Variants in CSMD1 observed in about 807,000 individuals in gnomAD.
CSMD1 encodes the protein CUB and sushi domain-containing protein 1.
A neutral mutation model predicts 417.5 loss-of-function variants in CSMD1; 213 were observed. The observed-to-expected ratio is 0.51, with a 90% CI of 0.46 to 0.57. The LOEUF is 0.57. Among genes scored for constraint, CSMD1 ranks in the 20% least tolerant of loss-of-function variants. The pLI is 0.00. For missense variants in CSMD1, 6,923 were observed against 4,529.7 expected, an observed-to-expected ratio of 1.53 and a Z score of -15.17; for synonymous variants, 2,862 against 1,736.8, an observed-to-expected ratio of 1.65 and a Z score of -16.11.
chr8:3,924,944 G>T (rs1809546517), intron 5 of CSMD1, among the ~76,000 whole-genome samples: 2 of 151,902 alleles, frequency 1.3e-5, no homozygotes, highest in African/African-American at 2.4e-5. Flanking sequence ...TCTCTTCCTT[G>T]AAGTTCTGCA....
chr8:4,625,505 A>G (rs1372332410), intron 2 of CSMD1, among the ~76,000 whole-genome samples: 2 of 151,954 alleles, frequency 1.3e-5, no homozygotes, highest in African/African-American at 2.4e-5. Flanking sequence ...TGTAAAGCAC[A>G]TATGTTCCAC....
At chr8:3,990,590 A>C (rs2740977) in intron 5 of CSMD1, among the ~76,000 whole-genome samples, 45,226 of 152,150 alleles carry the variant, frequency 0.3, 6,803 homozygotes, top group East Asian at 0.41. Context: ...TCAAATACGT[A>C]TTCTTTGAAA....
intron 26 of CSMD1, among the ~76,000 whole-genome samples, chr8:3,277,255 C>T (rs1209205177): frequency 3.3e-5 from 5 of 151,996 alleles, no homozygotes; most frequent in Non-Finnish European, 7.3e-5. Flanking sequence ...GAGAAGTCAC[C>T]CTGGCTGAGA....
chr8:4,913,481 T>C (rs1805839590), intron 1 of CSMD1, among the ~76,000 whole-genome samples: 1 of 152,082 alleles, frequency 6.6e-6, no homozygotes, highest in Non-Finnish European at 1.5e-5. Flanking sequence ...CAGCATCAAA[T>C]AGAGAATGAA....
chr8:4,712,031 G>C (rs1055778057), intron 1 of CSMD1, among the ~76,000 whole-genome samples: 1 of 152,262 alleles, frequency 6.6e-6, no homozygotes. Context: ...AAATCTAGAA[G>C]AGATTTTCTC....
At chr8:4,200,035 C>G (rs1190626636) in intron 3 of CSMD1, among the ~76,000 whole-genome samples, 3 of 152,118 alleles carry the variant, frequency 2.0e-5, no homozygotes, top group African/African-American at 7.2e-5. Flanking sequence ...GTTGAGGTGC[C>G]ATAAAATCCT....
At chr8:4,881,615 G>C (rs1043565189) in intron 1 of CSMD1, among the ~76,000 whole-genome samples, 2 of 145,806 alleles carry the variant, frequency 1.4e-5, no homozygotes, top group African/African-American at 5.1e-5. Context: ...ATGTTTAATT[G>C]ATTTCTTAAA....
intron 48 of CSMD1, among the ~76,000 whole-genome samples, chr8:3,090,850 TG>T (rs1218009799): frequency 1.3e-5 from 2 of 152,220 alleles, no homozygotes; most frequent in Non-Finnish European, 2.9e-5. Context: ...AAGAATAGTG[TG>T]GTCAGATCCT....
Position 3,214,590 on chromosome 8 carries a change from A to C in CSMD1, c.4774T>G (p.Ser1592Ala), listed in dbSNP as rs1455304352. The C allele has an allele frequency of 2.8e-5, 44 of 1,573,834 alleles. No homozygotes were observed. Among genetic ancestry groups the C allele is most frequent in the Non-Finnish European group, 3.7e-5 (43 of 1,158,794 alleles). Residue 1592 changes from serine (S) to alanine (A), a missense_variant, in exon 30 of 70, where the codon TCT (serine) becomes GCT (alanine). Ser to Ala is a moderately conservative substitution (Grantham distance 99, BLOSUM62 1). Transcript: ENST00000635120. ...LGSTITYQCD[S>A]GYKILDPSSI... ...GAGGGGTCAAGAATCTTATAGCCAG[A>C]GTCACACTGGTAGGTGATGGTGGAG... is the stretch of plus-strand genomic sequence containing the variant.
At chr8:4,424,697 G>T (rs992602044) in intron 2 of CSMD1, among the ~76,000 whole-genome samples, 1 of 151,998 alleles carries the variant, frequency 6.6e-6, no homozygotes, top group Non-Finnish European at 1.5e-5. Context: ...ACTGCCATCT[G>T]ACCAAACAAT....
In CSMD1 at chr8:3,406,100, C is replaced by T. The variant is rs1812326883; in HGVS notation, c.2193G>A (p.Gln731=). 1 of 1,613,950 alleles carries T rather than the reference C, an allele frequency of 6.2e-7. No homozygotes were observed. The highest frequency in any genetic ancestry group is 8.5e-7 in the Non-Finnish European group (1 of 1,179,872). ...FHCDDGFVKT[Q]GSESITCILQ... is the part of the protein sequence containing the mutation. ...GTATGCAGGTAATGGACTCGGATCC[C>T]TGGGTCTTGACAAAGCCATCATCAC... Residue 731 remains glutamine (Q), a synonymous_variant, in exon 15 of 70, where the codon CAG becomes CAA. Coordinates refer to ENST00000635120, the MANE Select transcript of CSMD1 (RefSeq NM_033225.6).
At chr8:4,019,576 C>T (rs750323716) in intron 4 of CSMD1, among the ~76,000 whole-genome samples, 3 of 152,170 alleles carry the variant, frequency 2.0e-5, no homozygotes, top group Admixed American at 6.5e-5. Flanking sequence ...CTGTGTTTTA[C>T]GGTCTGCTCT....
chr8:3,768,054 G>C (rs1310060492), intron 5 of CSMD1, among the ~76,000 whole-genome samples: 1 of 152,074 alleles, frequency 6.6e-6, no homozygotes, highest in African/African-American at 2.4e-5. Context: ...CTTTGACCCC[G>C]AGTATAGACA....
At chr8:3,544,777 T>A (rs1270566341) in intron 10 of CSMD1, among the ~76,000 whole-genome samples, 1 of 151,960 alleles carries the variant, frequency 6.6e-6, no homozygotes, top group Non-Finnish European at 1.5e-5. Context: ...CTTAGAAATG[T>A]TGTTTGCTTT....
At chr8:4,573,074 G>T (rs932222426) in intron 2 of CSMD1, among the ~76,000 whole-genome samples, 1 of 152,120 alleles carries the variant, frequency 6.6e-6, no homozygotes, top group South Asian at 2.1e-4. Context: ...CGCTCCTTTA[G>T]CTCAGAGGAG....
At chr8:3,654,867 CA>C (rs1798026242) in intron 7 of CSMD1, among the ~76,000 whole-genome samples, 1 of 152,114 alleles carries the variant, frequency 6.6e-6, no homozygotes, top group Non-Finnish European at 1.5e-5. Flanking sequence ...CCGGACCTGC[CA>C]GCTCTGCAAC....
intron 3 of CSMD1, among the ~76,000 whole-genome samples, chr8:4,096,344 T>C (rs1801010379): frequency 6.6e-6 from 1 of 152,168 alleles, no homozygotes; most frequent in African/African-American, 2.4e-5. Flanking sequence ...ATAGGACAGC[T>C]TGGATTTCCA....
chr8:4,463,704 C>G (rs548657755), intron 2 of CSMD1, among the ~76,000 whole-genome samples: 4 of 152,142 alleles, frequency 2.6e-5, no homozygotes, highest in Non-Finnish European at 5.9e-5. Context: ...AGGCCAATCC[C>G]TAGAGACGAA....
intron 3 of CSMD1, among the ~76,000 whole-genome samples, chr8:4,256,425 G>C (rs1164981053): frequency 6.6e-6 from 1 of 152,126 alleles, no homozygotes; most frequent in Non-Finnish European, 1.5e-5. Context: ...AAATAGCACA[G>C]AATTGTGAAG....
Sources: gnomAD v4.1 joint callset for allele counts (sites outside exome capture counted in the v4.1 genomes callset) on GRCh38, gnomAD v4.1.1 for gene constraint, MANE v1.5 for transcripts, NCBI Gene and HGNC (gene_info 2026-07-23, HGNC 2026-07-21) for gene names.